The following ATM variants were observed in gnomAD, a reference collection of about 807,000 sequenced individuals.
The protein encoded by ATM is ATM serine/threonine kinase.
A neutral mutation model predicts 387.0 loss-of-function variants in ATM; 308 were observed. The observed-to-expected ratio is 0.80, with a 90% CI of 0.73 to 0.87. The LOEUF is 0.87. ATM is among the 40% of genes least tolerant of loss of function. ATM has a pLI of 0.00. For synonymous variants in ATM, 1,156 were observed against 1,187.3 expected, an observed-to-expected ratio of 0.97 and a Z score of 0.54; for missense variants, 3,312 against 3,560.9, an observed-to-expected ratio of 0.93 and a Z score of 1.78.
chr11:108,242,204 T>C (rs1386311861), intron 5 of ATM, among the ~76,000 whole-genome samples: 1 of 152,114 alleles, frequency 6.6e-6, no homozygotes, highest in Non-Finnish European at 1.5e-5. Context: ...CCTATAGATA[T>C]TCAAAGGATA....
Position 108,302,950 on chromosome 11 carries a change from TAA to T in ATM, c.5419_5420del (p.Lys1807AspfsTer15). 6.2e-7 allele frequency: 1 copy of T among 1,613,528 alleles called. No homozygotes were observed. Among genetic ancestry groups the T allele is most frequent in the Non-Finnish European group, 8.5e-7 (1 of 1,179,524 alleles). On this transcript the variant is annotated frameshift_variant, in exon 36 of 63. Coordinates refer to ENST00000675843, the MANE Select transcript of ATM (RefSeq NM_000051.4). LOFTEE classifies it high-confidence loss of function. ...CTAAGTGAAAATCATGACATTTGGA[TAA>T]AGACACTGACTTGTGCTTTTTTGGA...
intron 5 of ATM, 116 bp from the exon 6 acceptor site, chr11:108,243,837 G>A (rs148542835): frequency 1.1e-6 from 1 of 933,040 alleles, no homozygotes; most frequent in East Asian, 2.7e-5. Flanking sequence ...ATAAATTAGT[G>A]CAGTTTTAAA....
chr11:108,267,442 TC>T, intron 17 of ATM, 100 bp downstream of exon 17: 1 of 1,045,730 alleles, frequency 9.6e-7, no homozygotes, highest in South Asian at 1.3e-5. Flanking sequence ...TATTTCATTT[TC>T]TCTTAGTATA....
chr11:108,303,082 A>G, intron 36 of ATM, 53 bp downstream of exon 36: 1 of 1,523,502 alleles, frequency 6.6e-7, no homozygotes, highest in Non-Finnish European at 9.1e-7. Flanking sequence ...CTGTTTATCT[A>G]AAGAGTGCTG....
At chr11:108,338,338 C>T (rs892790391) in intron 56 of ATM, among the ~76,000 whole-genome samples, 3 of 152,048 alleles carry the variant, frequency 2.0e-5, no homozygotes, top group African/African-American at 4.8e-5. Flanking sequence ...GGTGACAGAC[C>T]GAGACTTCTT....
rs376158749 is a variant in ATM at position 108,317,615 on chromosome 11, TTATATATATATA to T, written c.6347+121_6347+132del. Reference sequence around the variant, plus strand: ...TTCTATGAATATAACAGGAGTTGTTTTATATATATATATATATATATATATATATATATATAT... The same window carrying T: ...TTCTATGAATATAACAGGAGTTGTTTTATATATATATATATATATATATAT... On this transcript the variant is annotated intron_variant, in intron 43 of 62. Transcript: ENST00000675843. The T allele has an allele frequency of 1.1e-3, 240 of 215,258 alleles. 3 individuals are homozygous for T. Among genetic ancestry groups the T allele is most frequent in the African/African-American group, 2.4e-3 (52 of 21,728 alleles). 13.3% of individuals were successfully genotyped at this position (215,258 alleles called of 1,614,324 possible). A position where few individuals can be genotyped will look rare whatever the true frequency, so the allele number is the denominator to read the frequency against.
intron 22 of ATM, among the ~76,000 whole-genome samples, chr11:108,273,322 A>T (rs1288890555): frequency 7.1e-6 from 1 of 140,036 alleles, no homozygotes; most frequent in African/African-American, 3.0e-5. Context: ...AACATATATT[A>T]ATTTCATTCT....
In ATM at chr11:108,325,611, A is replaced by G. The variant is rs1237643342; in HGVS notation, c.6807+67A>G. 1.5e-5 allele frequency: 20 copies of G among 1,320,876 alleles called. No individual in the cohort carries two copies. The East Asian group carries it at 3.3e-4, about 22-fold the overall frequency. The allele number at this position is 1,320,876 out of a possible 1,614,324, so 81.8% of individuals were successfully genotyped here. On this transcript the variant is annotated intron_variant, in intron 46 of 62. Coordinates refer to ENST00000675843, the MANE Select transcript of ATM (RefSeq NM_000051.4). ...TCCTTTTATTATTTAAAAAACAGAA[A>G]GCCTGAGGGAAAAAGAAATGTCATT...
intron 34 of ATM, among the ~76,000 whole-genome samples, chr11:108,300,435 T>C (rs897535601): frequency 6.6e-6 from 1 of 152,212 alleles, no homozygotes; most frequent in African/African-American, 2.4e-5. Context: ...TTCTCTCTCT[T>C]ATTTATTTGT....
intron 7 of ATM, among the ~76,000 whole-genome samples, chr11:108,246,644 G>A (rs888820585): frequency 1.3e-5 from 2 of 152,176 alleles, no homozygotes; most frequent in South Asian, 4.1e-4. Flanking sequence ...AAAGGCATAC[G>A]GAGAACTTGG....
At chr11:108,260,133 C>A (rs903027751) in intron 16 of ATM, among the ~76,000 whole-genome samples, 1 of 148,218 alleles carries the variant, frequency 6.7e-6, no homozygotes, top group Non-Finnish European at 1.5e-5. Context: ...CTCCTAGGTT[C>A]AAGAGATTCT....
chr11:108,324,646 A>C (rs921381833), intron 45 of ATM, among the ~76,000 whole-genome samples: 2 of 152,128 alleles, frequency 1.3e-5, no homozygotes, highest in Admixed American at 6.5e-5. Context: ...TTCATTTCTT[A>C]GTCATCACTT....
At chr11:108,230,644 T>TA (rs2078964258) in intron 4 of ATM, 1 of 152,176 alleles carries the variant, frequency 6.6e-6, no homozygotes, top group South Asian at 2.1e-4. Context: ...TTGTCTGTCT[T>TA]AAAGTGTGGG....
chr11:108,284,114 A>G lies in ATM; in HGVS notation c.3747-113A>G, dbSNP rs189883047. 334 of 774,638 alleles carry G rather than the reference A, an allele frequency of 4.3e-4. 1 individual carries two copies. Among genetic ancestry groups the G allele is most frequent in the Non-Finnish European group, 6.3e-4 (316 of 504,184 alleles). 48.0% of individuals were successfully genotyped at this position (774,638 alleles called of 1,614,324 possible). ...TTAAAGAATGTTTAATAATCTGGAT[A>G]AAGTATGATACTTTAATGCTGATGG... On this transcript the variant is annotated intron_variant, in intron 25 of 62. Coordinates refer to ENST00000675843, the MANE Select transcript of ATM (RefSeq NM_000051.4).
intron 35 of ATM, 120 bp downstream of exon 35, chr11:108,301,909 T>C: frequency 1.9e-6 from 2 of 1,076,264 alleles, no homozygotes; most frequent in Non-Finnish European, 2.7e-6. Flanking sequence ...ACCTTTCCTA[T>C]AAGTAATTTA....
At position 108,271,114 on chromosome 11, in the gene ATM, G is replaced by T; in HGVS notation, c.2889G>T (p.Met963Ile). ...ELPGEEYPLP[M>I]EDVLELLKPL... is the part of the protein sequence containing the mutation. ...CTGGAGAAGAGTACCCCTTGCCAAT[G>T]GAAGATGTTCTTGAACTTCTGAAAC... The change falls in exon 19 of 63, where the codon ATG (methionine) becomes ATT (isoleucine). Residue 963 changes from methionine (M) to isoleucine (I), a missense_variant. This residue lies in a region of ATM where 1,791 missense variants were observed against 1,804.5 expected (regional missense o/e 0.99). Transcript: ENST00000675843. 6.2e-7 allele frequency: 1 copy of T among 1,614,040 alleles called. No individual in the cohort carries two copies. Among genetic ancestry groups the T allele is most frequent in the South Asian group, 1.1e-5 (1 of 91,076 alleles).
chr11:108,351,120 TATA>T (rs1053609841), intron 59 of ATM, among the ~76,000 whole-genome samples: 4 of 152,298 alleles, frequency 2.6e-5, no homozygotes, highest in East Asian at 1.9e-4. Context: ...CTCTCACAAA[TATA>T]ATGCTAAGTG....
intron 16 of ATM, among the ~76,000 whole-genome samples, 173 bp downstream of exon 16, chr11:108,259,248 G>C (rs1249449525): frequency 1.3e-5 from 2 of 152,196 alleles, no homozygotes; most frequent in African/African-American, 2.4e-5. Flanking sequence ...CCAGCACTTT[G>C]GGAGGCCGAG....
intron 61 of ATM, among the ~76,000 whole-genome samples, chr11:108,362,654 A>ATGGAT (rs2090911520): frequency 6.7e-6 from 1 of 149,906 alleles, no homozygotes; most frequent in Admixed American, 6.7e-5. Context: ...TTGTAGGGAC[A>ATGGAT]TGGATGAAAT....
Sources: allele counts gnomAD v4.1 joint callset (sites outside exome capture counted in the v4.1 genomes callset), GRCh38; gene constraint gnomAD v4.1.1; regional missense constraint gnomAD v4.1.1; transcripts MANE v1.5; gene names NCBI Gene and HGNC (gene_info 2026-07-23, HGNC 2026-07-21).